PXDNL: variants seen among roughly 807,000 people sequenced by gnomAD.
PXDNL encodes peroxidasin like.
Under a neutral mutation model 150.8 loss-of-function variants are expected in PXDNL, and 145 were observed. The observed-to-expected ratio is 0.96, with a 90% CI of 0.84 to 1.10. The LOEUF (loss-of-function observed/expected upper bound fraction) is 1.10. Among genes scored for constraint, PXDNL ranks in the 50% least tolerant of loss-of-function variants. The pLI is 0.00. For synonymous variants in PXDNL, 757 were observed against 725.7 expected, an observed-to-expected ratio of 1.04 and a Z score of -0.69; for missense variants, 2,087 against 1,873.9, an observed-to-expected ratio of 1.11 and a Z score of -2.10.
At chr8:51,657,701 C>T (rs187136260) in intron 1 of PXDNL, among the ~76,000 whole-genome samples, 2 of 152,226 alleles carry the variant, frequency 1.3e-5, no homozygotes, top group South Asian at 2.1e-4. Context: ...GATGCCATTG[C>T]AAATTTATTT....
intron 1 of PXDNL, among the ~76,000 whole-genome samples, chr8:51,748,312 ATTTC>A (rs1337090714): frequency 6.6e-6 from 1 of 152,130 alleles, no homozygotes; most frequent in African/African-American, 2.4e-5. Context: ...AATAAGTTCG[ATTTC>A]TTTCTTTTAG....
intron 2 of PXDNL, among the ~76,000 whole-genome samples, chr8:51,652,296 T>G (rs1212382222): frequency 6.6e-6 from 1 of 152,168 alleles, no homozygotes; most frequent in African/African-American, 2.4e-5. Context: ...CCTTTGGATC[T>G]TCACTTAACT....
intron 21 of PXDNL, among the ~76,000 whole-genome samples, chr8:51,329,042 A>G (rs1805601913): frequency 6.6e-6 from 1 of 152,258 alleles, no homozygotes; most frequent in Admixed American, 6.5e-5. Flanking sequence ...TCAGCCCTTC[A>G]GTGAAATCAA....
chr8:51,362,536 G>A (rs965439809), intron 19 of PXDNL, among the ~76,000 whole-genome samples: 1 of 152,110 alleles, frequency 6.6e-6, no homozygotes, highest in African/African-American at 2.4e-5. Context: ...TTTTTAAAGT[G>A]CTTTTCAGAC....
intron 4 of PXDNL, among the ~76,000 whole-genome samples, chr8:51,507,391 G>A (rs1811318029): frequency 6.6e-6 from 1 of 152,190 alleles, no homozygotes; most frequent in African/African-American, 2.4e-5. Context: ...GAAAATGCAG[G>A]ACTCTTGCAC....
Position 51,606,035 on chromosome 8 carries a change from T to A in PXDNL, c.237-13337A>T, listed in dbSNP as rs193005778. Among the ~76,000 whole-genome samples the A allele has an allele frequency of 4.6e-5, 7 of 152,318 alleles. No homozygotes were observed. In the East Asian group the frequency reaches 1.2e-3, roughly 25 times the overall value. On this transcript the variant is annotated intron_variant, in intron 2 of 22. Transcript: ENST00000356297. ...ATTAATTTATTTTATTCATATATTA[T>A]CTTGTTATAGCAACATAAAATAGAC...
intron 1 of PXDNL, among the ~76,000 whole-genome samples, chr8:51,683,164 C>CATATATATATATATATATATATAT (rs71237228): frequency 1.8e-4 from 8 of 44,448 alleles, no homozygotes; most frequent in Non-Finnish European, 2.5e-4. Flanking sequence ...AATTGTCTTT[C>CATATATATATATATATATATATAT]ATATATATAT....
chr8:51,678,827 C>T (rs961308217), intron 1 of PXDNL, among the ~76,000 whole-genome samples: 20 of 152,208 alleles, frequency 1.3e-4, no homozygotes, highest in African/African-American at 4.8e-4. Context: ...TGTAACTAAC[C>T]TGCACATTGT....
intron 21 of PXDNL, among the ~76,000 whole-genome samples, chr8:51,336,501 G>T (rs1805832920): frequency 6.6e-6 from 1 of 152,112 alleles, no homozygotes; most frequent in African/African-American, 2.4e-5. Flanking sequence ...AAATACTCAG[G>T]GCTTGTCGCA....
chr8:51,772,388 A>G (rs896627758), intron 1 of PXDNL, among the ~76,000 whole-genome samples: 7 of 152,046 alleles, frequency 4.6e-5, no homozygotes, highest in Non-Finnish European at 8.8e-5. Context: ...TCAGGATCCA[A>G]TTTATTTTTT....
At chr8:51,440,233 A>G (rs538730743) in intron 12 of PXDNL, among the ~76,000 whole-genome samples, 40 of 152,122 alleles carry the variant, frequency 2.6e-4, no homozygotes, top group Non-Finnish European at 5.3e-4. Flanking sequence ...AGCTATGAGG[A>G]TGAAAAGAGA....
chr8:51,471,478 C>T (rs772215282), intron 8 of PXDNL, among the ~76,000 whole-genome samples: 28 of 152,066 alleles, frequency 1.8e-4, no homozygotes, highest in Non-Finnish European at 3.7e-4. Context: ...CTTAAATAAT[C>T]CTATACTGAT....
At chr8:51,618,817 G>C (rs1173772442) in intron 2 of PXDNL, among the ~76,000 whole-genome samples, 5 of 152,158 alleles carry the variant, frequency 3.3e-5, no homozygotes, top group African/African-American at 9.7e-5. Flanking sequence ...TTGTACAATT[G>C]TTCTGAGTGG....
chr8:51,692,039 G>A (rs1345285306), intron 1 of PXDNL, among the ~76,000 whole-genome samples: 2 of 152,174 alleles, frequency 1.3e-5, no homozygotes, highest in African/African-American at 4.8e-5. Flanking sequence ...GTTGCAAGTA[G>A]CAGCAAGGGC....
Position 51,809,407 on chromosome 8 carries a change from A to G in PXDNL, c.-63T>C, listed in dbSNP as rs1481761517. ...GAGGGAGAGCAGCAGCTGCAGCTGCAGCAGCAACCGCAGTGGTGGTGATGG... is the reference window on the plus strand; with the variant it reads ...GAGGGAGAGCAGCAGCTGCAGCTGCGGCAGCAACCGCAGTGGTGGTGATGG... On this transcript the variant is annotated 5_prime_UTR_variant, in exon 1 of 23. Coordinates refer to ENST00000356297, the MANE Select transcript of PXDNL (RefSeq NM_144651.5). 2.8e-6 allele frequency: 4 copies of G among 1,441,938 alleles called. No individual in the cohort carries two copies. In the East Asian group the frequency reaches 1.0e-4, roughly 36 times the overall value. The allele number at this position is 1,441,938 out of a possible 1,614,324, so 89.3% of individuals were successfully genotyped here. A position where few individuals can be genotyped will look rare whatever the true frequency, so the allele number is the denominator to read the frequency against.
chr8:51,765,800 T>C lies in PXDNL; in HGVS notation c.164+43381A>G, dbSNP rs2037222545. ...TATTTCTCCATTACTGCCTACTTCT[T>C]TGTTAAATCAAAATTCTCTACTGTA... On this transcript the variant is annotated intron_variant, in intron 1 of 22. Transcript: ENST00000356297. Among the ~76,000 whole-genome samples, 4 of 152,092 alleles carry C rather than the reference T, an allele frequency of 2.6e-5. No homozygotes were observed. The South Asian group carries it at 8.3e-4, about 32-fold the overall frequency.
chr8:51,522,790 GC>G (rs1472501807), intron 4 of PXDNL, among the ~76,000 whole-genome samples: 1 of 152,068 alleles, frequency 6.6e-6, no homozygotes, highest in Non-Finnish European at 1.5e-5. Flanking sequence ...GTTGCAGTGA[GC>G]CAAGATCGTG....
intron 5 of PXDNL, among the ~76,000 whole-genome samples, chr8:51,486,752 A>ATATATATATG (rs1563433269): frequency 2.3e-4 from 4 of 17,678 alleles, no homozygotes; most frequent in African/African-American, 1.1e-3. Context: ...TAAAAAGTTT[A>ATATATATATG]TATATATATA....
chr8:51,675,207 G>A (rs549923370), intron 1 of PXDNL, among the ~76,000 whole-genome samples: 1 of 152,274 alleles, frequency 6.6e-6, no homozygotes, highest in African/African-American at 2.4e-5. Flanking sequence ...AAATTCAGAT[G>A]TTGCCAATGC....
Sources: allele counts gnomAD v4.1 joint callset (sites outside exome capture counted in the v4.1 genomes callset), GRCh38; gene constraint gnomAD v4.1.1; transcripts MANE v1.5; gene names NCBI Gene and HGNC (gene_info 2026-07-23, HGNC 2026-07-21).